The following TFDP1 variants were observed in gnomAD, a reference collection of about 807,000 sequenced individuals.
The protein encoded by TFDP1 is DRTF1-polypeptide 1.
TFDP1 carries 6 observed loss-of-function variants against 48.0 expected under a neutral mutation model. The observed-to-expected ratio is 0.13, with a 90% CI of 0.07 to 0.25. The LOEUF (loss-of-function observed/expected upper bound fraction) is 0.25. Ranked by LOEUF, TFDP1 falls within the 10% of genes least tolerant of loss-of-function variation. The pLI is 1.00. For missense variants in TFDP1, 335 were observed against 543.0 expected, an observed-to-expected ratio of 0.62 and a Z score of 3.81; for synonymous variants, 201 against 211.6, an observed-to-expected ratio of 0.95 and a Z score of 0.44.
intron 2 of TFDP1, among the ~76,000 whole-genome samples, chr13:113,604,317 A>C (rs1003865291): frequency 6.6e-6 from 1 of 152,176 alleles, no homozygotes; most frequent in African/African-American, 2.4e-5. Context: ...ATTGTGGTCT[A>C]GTAGTAGCTA....
chr13:113,628,149 GAGCCGTGTAAAGACTGTGTCTGA>G (rs1217821273), intron 4 of TFDP1, among the ~76,000 whole-genome samples: 203 of 149,804 alleles, frequency 1.4e-3, no homozygotes, highest in Admixed American at 2.1e-3. Flanking sequence ...ACTATGTCTG[GAGCCGTGTAAAGACTGTGTCTGA>G]AGCCGTGTAA....
chr13:113,591,024 A>AAAG (rs1566632632), intron 2 of TFDP1, among the ~76,000 whole-genome samples: 4 of 148,956 alleles, frequency 2.7e-5, no homozygotes, highest in Non-Finnish European at 5.9e-5. Context: ...AAAAAAAAAA[A>AAAG]AAAAAAGAAA....
chr13:113,588,202 G>A (rs569488001), intron 2 of TFDP1, among the ~76,000 whole-genome samples: 8 of 152,370 alleles, frequency 5.3e-5, no homozygotes, highest in African/African-American at 1.7e-4. Flanking sequence ...ACAGGTGTAT[G>A]TCAAAAGCCT....
In TFDP1 at chr13:113,641,043, G is replaced by A. The variant is rs1045969102; in HGVS notation, c.*776G>A. On this transcript the variant is annotated 3_prime_UTR_variant, in exon 12 of 12. Transcript: ENST00000375370. ...ATTTGCCTGATTTCTTACAGGCAGC[G>A]TTTGGAAACCTTTTATTATATAGTT... 1 of 152,580 alleles carries A rather than the reference G, an allele frequency of 6.6e-6. No individual in the cohort carries two copies. The highest frequency in any genetic ancestry group is 6.5e-5 in the Admixed American group (1 of 15,276). 9.5% of individuals were successfully genotyped at this position (152,580 alleles called of 1,614,324 possible). A position where few individuals can be genotyped will look rare whatever the true frequency, so the allele number is the denominator to read the frequency against.
chr13:113,602,962 AGTT>A (rs1223597208), intron 2 of TFDP1, among the ~76,000 whole-genome samples: 1 of 132,334 alleles, frequency 7.6e-6, no homozygotes, highest in African/African-American at 3.4e-5. Flanking sequence ...CACTAACAAT[AGTT>A]GAGCTAAAAA....
In TFDP1 at chr13:113,634,132, T is replaced by C. The variant is rs768551228; in HGVS notation, c.618+99T>C. 28 of 1,530,642 alleles carry C rather than the reference T, an allele frequency of 1.8e-5. No individual in the cohort carries two copies. In the Admixed American group the frequency reaches 2.7e-4, roughly 15 times the overall value. The allele number at this position is 1,530,642 out of a possible 1,614,324, so 94.8% of individuals were successfully genotyped here. On this transcript the variant is annotated intron_variant, in intron 7 of 11. Transcript: ENST00000375370. ...GAAGGGTCTGGGCTCCGTGCCCTTATGCTCTCTGTGTCCGGCTGGCAGACG... is the reference window on the plus strand; with the variant it reads ...GAAGGGTCTGGGCTCCGTGCCCTTACGCTCTCTGTGTCCGGCTGGCAGACG...
chr13:113,596,057 G>A (rs1270354383), intron 2 of TFDP1, among the ~76,000 whole-genome samples: 1 of 152,198 alleles, frequency 6.6e-6, no homozygotes, highest in African/African-American at 2.4e-5. Context: ...ACTCCCGCCT[G>A]GGCGACAGAG....
At chr13:113,603,775 T>C (rs1450772917) in intron 2 of TFDP1, among the ~76,000 whole-genome samples, 1 of 152,226 alleles carries the variant, frequency 6.6e-6, no homozygotes, top group Non-Finnish European at 1.5e-5. Context: ...TTGGCTTATA[T>C]GTTAATGTGT....
intron 2 of TFDP1, among the ~76,000 whole-genome samples, chr13:113,588,377 C>A (rs1360458726): frequency 1.3e-5 from 2 of 152,170 alleles, no homozygotes; most frequent in Non-Finnish European, 2.9e-5. Flanking sequence ...ACATCCAAGA[C>A]CTGAGGCTGG....
intron 3 of TFDP1, among the ~76,000 whole-genome samples, chr13:113,614,979 G>T (rs1034375918): frequency 3.3e-5 from 5 of 152,270 alleles, no homozygotes; most frequent in Admixed American, 1.3e-4. Context: ...TTCTCGGCTG[G>T]CCTTTGGCTG....
At chr13:113,620,024 T>G (rs1431191369) in intron 3 of TFDP1, among the ~76,000 whole-genome samples, 2 of 152,318 alleles carry the variant, frequency 1.3e-5, no homozygotes, top group South Asian at 4.1e-4. Flanking sequence ...CTCTTCCCTC[T>G]GTGTGTTTGT....
At chr13:113,625,271 C>T (rs2049114042) in intron 4 of TFDP1, among the ~76,000 whole-genome samples, 1 of 126,978 alleles carries the variant, frequency 7.9e-6, no homozygotes. Context: ...CACATGTCCT[C>T]AGGTGTCTCT....
At chr13:113,585,701 T>G in intron 1 of TFDP1, 73 bp from the exon 2 acceptor site, 1 of 946,876 alleles carries the variant, frequency 1.1e-6, no homozygotes, top group Non-Finnish European at 1.6e-6. Flanking sequence ...TTGAGATGTG[T>G]TATTTTTTAA....
rs1006468149 is a variant in TFDP1 at position 113,584,865 on chromosome 13, C to G, written c.-88C>G. On this transcript the variant is annotated 5_prime_UTR_variant, in exon 1 of 12. Coordinates refer to ENST00000375370, the MANE Select transcript of TFDP1 (RefSeq NM_007111.5). ...ACCGCGCCCTCTCCGCGTCCCCGCCCGCGCGGCCGGACCGGGCAGCCAGGT... is the reference window on the plus strand; with the variant it reads ...ACCGCGCCCTCTCCGCGTCCCCGCCGGCGCGGCCGGACCGGGCAGCCAGGT... The G allele has an allele frequency of 2.0e-5, 3 of 146,378 alleles. No individual in the cohort carries two copies. Among genetic ancestry groups the G allele is most frequent in the African/African-American group, 7.3e-5 (3 of 40,856 alleles). 9.1% of individuals were successfully genotyped at this position (146,378 alleles called of 1,614,324 possible). A position where few individuals can be genotyped will look rare whatever the true frequency, so the allele number is the denominator to read the frequency against.
At chr13:113,592,379 A>G (rs913215520) in intron 2 of TFDP1, among the ~76,000 whole-genome samples, 2 of 151,420 alleles carry the variant, frequency 1.3e-5, no homozygotes, top group African/African-American at 4.9e-5. Context: ...CTGGTCTTGA[A>G]CTCCCGACCT....
chr13:113,597,777 A>C (rs1008744102), intron 2 of TFDP1, among the ~76,000 whole-genome samples: 6 of 152,206 alleles, frequency 3.9e-5, no homozygotes. Flanking sequence ...AGGGACGGCC[A>C]TTGCCGTGTG....
chr13:113,605,529 C>A (rs57972431), intron 2 of TFDP1, among the ~76,000 whole-genome samples: 2,017 of 152,290 alleles, frequency 0.013, 43 homozygotes, highest in African/African-American at 0.046. Flanking sequence ...GTGCTGCTGT[C>A]CTGGATTCTC....
At chr13:113,603,254 C>A (rs1470683281) in intron 2 of TFDP1, among the ~76,000 whole-genome samples, 1 of 152,200 alleles carries the variant, frequency 6.6e-6, no homozygotes, top group Non-Finnish European at 1.5e-5. Flanking sequence ...AAGGGAGAGT[C>A]CTCTTCATGC....
chr13:113,604,160 CAAAAA>C (rs5806996), intron 2 of TFDP1, among the ~76,000 whole-genome samples: 1 of 104,492 alleles, frequency 9.6e-6, no homozygotes, highest in Non-Finnish European at 2.0e-5. Context: ...CAGCCTGTCT[CAAAAA>C]AAAAAAAAAA....
Sources: gnomAD v4.1 joint callset for allele counts (sites outside exome capture counted in the v4.1 genomes callset) on GRCh38, gnomAD v4.1.1 for gene constraint, MANE v1.5 for transcripts, NCBI Gene and HGNC (gene_info 2026-07-23, HGNC 2026-07-21) for gene names.